The following GRIK5 variants were observed in gnomAD, a reference collection of about 807,000 sequenced individuals.
GRIK5 encodes the protein glutamate receptor ionotropic, kainate 5.
In GRIK5, 43 loss-of-function variants were observed where a neutral mutation model predicts 97.4. That is an observed-to-expected ratio of 0.44 (90% confidence interval 0.35 to 0.57). GRIK5 has a LOEUF of 0.57. Ranked by LOEUF, GRIK5 falls within the 20% of genes least tolerant of loss-of-function variation. GRIK5 has a pLI of 0.01. For synonymous variants in GRIK5, 580 were observed against 583.5 expected (o/e 0.99, Z 0.09); for missense variants, 1,015 against 1,382.0 (o/e 0.73, Z 4.21).
In GRIK5 at chr19:42,069,681, T is replaced by A. The variant is rs962107582; in HGVS notation, c.-491A>T. On this transcript the variant is annotated 5_prime_UTR_variant, in exon 1 of 20. Coordinates refer to ENST00000593562, the MANE Select transcript of GRIK5 (RefSeq NM_002088.5). ...GGGGCCACAGGGGGCGAGGACTGGGTGGAGAAAAGGAAGCCGGCCATCAGG... is the reference window on the plus strand; with the variant it reads ...GGGGCCACAGGGGGCGAGGACTGGGAGGAGAAAAGGAAGCCGGCCATCAGG... Among the ~76,000 whole-genome samples, 1 of 75,518 alleles carries A rather than the reference T, an allele frequency of 1.3e-5. No individual in the cohort carries two copies. The highest frequency in any genetic ancestry group is 5.3e-5 in the African/African-American group (1 of 18,942). The allele number at this position is 75,518 out of a possible 152,430, so 49.5% of individuals were successfully genotyped here. A position where few individuals can be genotyped will look rare whatever the true frequency, so the allele number is the denominator to read the frequency against.
chr19:42,044,225 G>A (rs1203046615), intron 11 of GRIK5, among the ~76,000 whole-genome samples: 1 of 152,188 alleles, frequency 6.6e-6, no homozygotes, highest in East Asian at 1.9e-4. Context: ...CAGCCATGCT[G>A]AACCTGTGAG....
chr19:42,030,609 C>T (rs547532411), intron 12 of GRIK5, among the ~76,000 whole-genome samples: 1 of 152,082 alleles, frequency 6.6e-6, no homozygotes, highest in East Asian at 1.9e-4. Flanking sequence ...TAGGCATGTG[C>T]CATGCCCAGC....
chr19:42,002,529 T>C lies in GRIK5; in HGVS notation c.2514+803A>G. The C allele has an allele frequency of 1.4e-6, 1 of 702,406 alleles. No individual in the cohort carries two copies. Among genetic ancestry groups the C allele is most frequent in the Non-Finnish European group, 2.7e-6 (1 of 376,316 alleles). The allele number at this position is 702,406 out of a possible 1,614,324, so 43.5% of individuals were successfully genotyped here. Reference sequence around the variant, plus strand: ...CAAGTGCAGAACACTGGCAGGCAGCTGGATGCAGAGCTGGGGTCTGGGGAG... The same window carrying C: ...CAAGTGCAGAACACTGGCAGGCAGCCGGATGCAGAGCTGGGGTCTGGGGAG... On this transcript the variant is annotated intron_variant, in intron 19 of 19. Transcript: ENST00000593562. This position sits in a 1 kb window ranked among gnomAD's most constrained non-coding sequence, Gnocchi z 5.2.
chr19:42,019,560 C>A (rs1307050839), intron 15 of GRIK5, among the ~76,000 whole-genome samples: 1 of 152,192 alleles, frequency 6.6e-6, no homozygotes, highest in Non-Finnish European at 1.5e-5. Context: ...AAGATGTGAC[C>A]TTACTCAGCA....
chr19:42,052,947 C>T (rs1403130386), intron 11 of GRIK5, among the ~76,000 whole-genome samples: 2 of 152,202 alleles, frequency 1.3e-5, no homozygotes, highest in African/African-American at 2.4e-5. Context: ...CAAGGGTAGC[C>T]GTGAGGTCTA....
intron 5 of GRIK5, 104 bp from the exon 6 acceptor site, chr19:42,059,631 G>A (rs979804569): frequency 5.3e-5 from 52 of 973,202 alleles, no homozygotes; most frequent in Middle Eastern, 6.4e-4. Context: ...GAGGACTGGA[G>A]GGTGTGCAAG....
intron 12 of GRIK5, among the ~76,000 whole-genome samples, chr19:42,033,317 C>CAAAAA (rs1006793815): frequency 2.4e-5 from 1 of 42,180 alleles, no homozygotes; most frequent in African/African-American, 9.2e-5. Context: ...GACTCCGTCT[C>CAAAAA]AAAAAAAAAA....
At chr19:42,007,435 C>G (rs2146019993) in intron 15 of GRIK5, among the ~76,000 whole-genome samples, 1 of 152,266 alleles carries the variant, frequency 6.6e-6, no homozygotes, top group South Asian at 2.1e-4. Flanking sequence ...CATCATAGAA[C>G]TGTGATCCCT....
At position 42,069,569 on chromosome 19, in the gene GRIK5, A is replaced by G. The variant is rs1008404295; in HGVS notation, c.-379T>C. 1 of 115,254 alleles carries G rather than the reference A, an allele frequency of 8.7e-6. No homozygotes were observed. The highest frequency in any genetic ancestry group is 1.7e-5 in the Non-Finnish European group (1 of 57,756). 7.1% of individuals were successfully genotyped at this position (115,254 alleles called of 1,614,324 possible). A position where few individuals can be genotyped will look rare whatever the true frequency, so the allele number is the denominator to read the frequency against. On this transcript the variant is annotated 5_prime_UTR_variant, in exon 1 of 20. Transcript: ENST00000593562. ...AAGGAGGAGAGGAAGGTGAAAACGGAAGGGGGGGGCACAGGCAAAGCCGGG... is the reference window on the plus strand; with the variant it reads ...AAGGAGGAGAGGAAGGTGAAAACGGGAGGGGGGGGCACAGGCAAAGCCGGG...
At position 42,059,516 on chromosome 19, in the gene GRIK5, A is replaced by G. The variant is rs201165416; in HGVS notation, c.520T>C (p.Leu174=). The G allele has an allele frequency of 6.2e-6, 10 of 1,612,454 alleles. No individual in the cohort carries two copies. The East Asian group carries it at 1.8e-4, about 29-fold the overall frequency. ...AGGAAGCCACGCACCAGTTCCTCCAATCGCAGCAGGCCTGAGGGAGGGGTG... is the reference window on the plus strand; with the variant it reads ...AGGAAGCCACGCACCAGTTCCTCCAGTCGCAGCAGGCCTGAGGGAGGGGTG... The part of the protein sequence containing the change: ...ICAKAECLLR[L]EELVRGFLIS... Residue 174 remains leucine, a synonymous_variant, in exon 6 of 20, where the codon TTG becomes CTG. Coordinates refer to ENST00000593562, the MANE Select transcript of GRIK5 (RefSeq NM_002088.5).
chr19:42,021,366 G>GC lies in GRIK5; in HGVS notation c.1805dup (p.Phe603LeufsTer55). The GC allele has an allele frequency of 6.2e-7, 1 of 1,613,630 alleles. No individual in the cohort carries two copies. Among genetic ancestry groups the GC allele is most frequent in the Non-Finnish European group, 8.5e-7 (1 of 1,179,872 alleles). ...TGATCTCCGAGCCCTGCTGCATGAA[G>GC]CCCCCCACGGGAAACCACAGGCTGT... On this transcript the variant is annotated frameshift_variant, in exon 15 of 20. Coordinates refer to ENST00000593562, the MANE Select transcript of GRIK5 (RefSeq NM_002088.5). LOFTEE classifies it high-confidence loss of function. This position sits in a 1 kb window ranked among gnomAD's most constrained non-coding sequence, Gnocchi z 4.2.
chr19:42,022,712 A>G lies in GRIK5; in HGVS notation c.1474-358T>C. 3.1e-6 allele frequency: 3 copies of G among 958,044 alleles called. No individual in the cohort carries two copies. The highest frequency in any genetic ancestry group is 3.7e-6 in the Non-Finnish European group (3 of 805,334). The allele number at this position is 958,044 out of a possible 1,614,324, so 59.3% of individuals were successfully genotyped here. On this transcript the variant is annotated intron_variant, in intron 12 of 19. Transcript: ENST00000593562. The surrounding 1 kb of genome is among the most constrained non-coding windows in gnomAD (Gnocchi z 4.2). The stretch of plus-strand genomic sequence containing the variant: ...GAGCCAAGGTCCTGAAGGGGCTGAG[A>G]CTGACAGCACTCGAGATAATACAGG...
At position 42,006,344 on chromosome 19, in the gene GRIK5, C is replaced by T. The variant is rs1030070928; in HGVS notation, c.2037+301G>A. 5.9e-5 allele frequency among the ~76,000 whole-genome samples: 9 copies of T among 152,190 alleles called. No homozygotes were observed. The highest frequency in any genetic ancestry group is 1.3e-4 in the Admixed American group (2 of 15,282). On this transcript the variant is annotated intron_variant, in intron 16 of 19. Transcript: ENST00000593562. This position sits in a 1 kb window ranked among gnomAD's most constrained non-coding sequence, Gnocchi z 5.3. ...AGCACTTTTCACCTTGAAGGGCCTT[C>T]CCTTCTCTCTGTCAGCCCATATTCC... is the stretch of plus-strand genomic sequence containing the variant.
In GRIK5 at chr19:42,018,310, C is replaced by T. The variant is rs1161145738; in HGVS notation, c.1871+2991G>A. On this transcript the variant is annotated intron_variant, in intron 15 of 19. Transcript: ENST00000593562. ...CCACACTCCACGCTGGGCGACAGAGCGAGACTCTGTCTCAAAAAAAAAAAG... is the reference window on the plus strand; with the variant it reads ...CCACACTCCACGCTGGGCGACAGAGTGAGACTCTGTCTCAAAAAAAAAAAG... 7.5e-5 allele frequency among the ~76,000 whole-genome samples: 11 copies of T among 146,358 alleles called. 2 individuals are homozygous for T. The highest frequency in any genetic ancestry group is 2.6e-4 in the African/African-American group (10 of 37,968).
chr19:42,066,049 C>T (rs958388306), intron 1 of GRIK5, among the ~76,000 whole-genome samples: 7 of 152,100 alleles, frequency 4.6e-5, no homozygotes, highest in Non-Finnish European at 2.9e-5. Flanking sequence ...AGTGCTCAGG[C>T]GCTGAGTAGG....
Position 42,006,236 on chromosome 19 carries a change from G to T in GRIK5, c.2038-288C>A, listed in dbSNP as rs2075489148. 1.3e-5 allele frequency among the ~76,000 whole-genome samples: 2 copies of T among 151,856 alleles called. No individual in the cohort carries two copies. Among genetic ancestry groups the T allele is most frequent in the Admixed American group, 1.3e-4 (2 of 15,256 alleles). On this transcript the variant is annotated intron_variant, in intron 16 of 19. Coordinates refer to ENST00000593562, the MANE Select transcript of GRIK5 (RefSeq NM_002088.5). This position sits in a 1 kb window ranked among gnomAD's most constrained non-coding sequence, Gnocchi z 5.3. ...AGCCGGTGGCCGCTGCCCAACTCAG[G>T]CCTCCTTTAGACCACTAGGACCTCC...
intron 1 of GRIK5, among the ~76,000 whole-genome samples, chr19:42,066,970 C>T (rs1950245728): frequency 6.6e-6 from 1 of 152,152 alleles, no homozygotes; most frequent in Admixed American, 6.5e-5. Flanking sequence ...GGAGATGGTG[C>T]ATCTTTGCTC....
At position 42,021,878 on chromosome 19, in the gene GRIK5, A is replaced by G; in HGVS notation, c.1697+69T>C. The G allele has an allele frequency of 2.1e-6, 2 of 943,294 alleles. No homozygotes were observed. Among genetic ancestry groups the G allele is most frequent in the East Asian group, 5.2e-5 (2 of 38,754 alleles). 58.4% of individuals were successfully genotyped at this position (943,294 alleles called of 1,614,324 possible). A position where few individuals can be genotyped will look rare whatever the true frequency, so the allele number is the denominator to read the frequency against. ...AGGACAGTTCCGAGAGAGAAGAGGC[A>G]GGTCGGTCCCAGAGGCCTCGGCTCG... On this transcript the variant is annotated intron_variant, in intron 14 of 19. Transcript: ENST00000593562. The surrounding 1 kb of genome is among the most constrained non-coding windows in gnomAD (Gnocchi z 4.2).
Position 41,999,040 on chromosome 19 carries a change from G to T in GRIK5, c.2774C>A (p.Thr925Asn). Residue 925 changes from threonine (T) to asparagine (N), a missense_variant, in exon 20 of 20, where the codon ACC (threonine) becomes AAC (asparagine). Physicochemically the swap from Thr to Asn is moderately conservative, Grantham distance 65. Around this residue, in one of 5 missense-constraint regions of GRIK5, gnomAD observed 109 missense variants for 100.4 expected, o/e 1.09. Transcript: ENST00000593562. This position sits in a 1 kb window ranked among gnomAD's most constrained non-coding sequence, Gnocchi z 5.0. ...PPSGARPAAPTPCTHVRVCQE... is the reference protein window; with the variant it reads ...PPSGARPAAPNPCTHVRVCQE... ...GCAGACGCGCACGTGGGTGCAGGGGGTGGGGGCGGCGGGTCGGGCTCCGCT... is the reference window on the plus strand; with the variant it reads ...GCAGACGCGCACGTGGGTGCAGGGGTTGGGGGCGGCGGGTCGGGCTCCGCT... 8.1e-7 allele frequency: 1 copy of T among 1,239,136 alleles called. No individual in the cohort carries two copies. The highest frequency in any genetic ancestry group is 1.0e-6 in the Non-Finnish European group (1 of 992,834). The allele number at this position is 1,239,136 out of a possible 1,614,324, so 76.8% of individuals were successfully genotyped here.
Sources: allele counts gnomAD v4.1 joint callset (sites outside exome capture counted in the v4.1 genomes callset), GRCh38; gene constraint gnomAD v4.1.1; regional missense constraint gnomAD v4.1.1; non-coding constraint Gnocchi (gnomAD v3.1); transcripts MANE v1.5; gene names NCBI Gene and HGNC (gene_info 2026-07-23, HGNC 2026-07-21).